The following KIAA1549 variants were observed in gnomAD, a reference collection of about 807,000 sequenced individuals.
KIAA1549 encodes the protein KIAA1549, also known as UPF0606 protein KIAA1549.
A neutral mutation model predicts 156.4 loss-of-function variants in KIAA1549; 70 were observed. The observed-to-expected ratio is 0.45, with a 90% CI of 0.37 to 0.55. KIAA1549 has a LOEUF of 0.55. Ranked by LOEUF, KIAA1549 falls within the 20% of genes least tolerant of loss-of-function variation. The probability of loss-of-function intolerance (pLI) is 0.00; values close to 1 mark genes in which losing one functional copy is unlikely to be tolerated. For missense variants in KIAA1549, 2,428 were observed against 2,540.9 expected (o/e 0.96, Z 0.96); for synonymous variants, 1,103 against 1,066.4 (o/e 1.03, Z -0.67).
At chr7:138,858,751 A>C (rs949535055) in intron 16 of KIAA1549, among the ~76,000 whole-genome samples, 4 of 152,082 alleles carry the variant, frequency 2.6e-5, no homozygotes, top group African/African-American at 9.7e-5. Context: ...AAAACAACAG[A>C]AACTCCAGCA....
At chr7:138,926,739 A>G (rs901531801) in intron 1 of KIAA1549, among the ~76,000 whole-genome samples, 14 of 152,278 alleles carry the variant, frequency 9.2e-5, no homozygotes, top group African/African-American at 2.4e-4. Flanking sequence ...ATGTACACCA[A>G]TATCTTCTAC....
At chr7:138,895,412 T>C (rs1164523909) in intron 9 of KIAA1549, among the ~76,000 whole-genome samples, 4 of 152,144 alleles carry the variant, frequency 2.6e-5, no homozygotes, top group African/African-American at 9.7e-5. Flanking sequence ...ATGAACAAAA[T>C]GTAGTATAGC....
At chr7:138,907,783 T>C (rs190251803) in intron 5 of KIAA1549, among the ~76,000 whole-genome samples, 85 of 152,252 alleles carry the variant, frequency 5.6e-4, no homozygotes, top group African/African-American at 1.9e-3. Flanking sequence ...AAGAGGACTA[T>C]GGTGGGTCTG....
At chr7:138,946,582 C>G (rs1008330316) in intron 1 of KIAA1549, among the ~76,000 whole-genome samples, 1 of 152,112 alleles carries the variant, frequency 6.6e-6, no homozygotes, top group East Asian at 1.9e-4. Flanking sequence ...GAGTTCAAGA[C>G]CAGCCTGAGC....
Position 138,861,219 on chromosome 7 carries a change from T to C in KIAA1549, c.5167A>G (p.Thr1723Ala). The change falls in exon 16 of 20, where the codon ACC becomes GCC. Residue 1723 changes from threonine (T) to alanine (A), a missense_variant. Physicochemically the swap from Thr to Ala is moderately conservative, Grantham distance 58. This residue lies in a region of KIAA1549 where 363 missense variants were observed against 354.0 expected (regional missense o/e 1.03). Coordinates refer to ENST00000422774, the MANE Select transcript of KIAA1549 (RefSeq NM_001164665.2). Reference sequence around the variant, plus strand: ...GCTCGCCTCTCTTCCTGGGAAGGGGTGCTGTTTGCGGGCAGGCCGGGTGGG... The same window carrying C: ...GCTCGCCTCTCTTCCTGGGAAGGGGCGCTGTTTGCGGGCAGGCCGGGTGGG... ...GVPPGLPANS[T>A]PSQEERRATQ... 1 of 1,613,368 alleles carries C rather than the reference T, an allele frequency of 6.2e-7. No individual in the cohort carries two copies. Among genetic ancestry groups the C allele is most frequent in the Non-Finnish European group, 8.5e-7 (1 of 1,179,782 alleles).
At chr7:138,850,224 C>T (rs1810198585) in intron 17 of KIAA1549, among the ~76,000 whole-genome samples, 1 of 152,078 alleles carries the variant, frequency 6.6e-6, no homozygotes, top group South Asian at 2.1e-4. Flanking sequence ...CTCTGTGCTG[C>T]TGTTTTCTGA....
chr7:138,839,582 T>C (rs768141451), intron 19 of KIAA1549, among the ~76,000 whole-genome samples: 1 of 152,100 alleles, frequency 6.6e-6, no homozygotes, highest in East Asian at 1.9e-4. Context: ...TTGTCACCTA[T>C]AGATTCGAAT....
At chr7:138,959,608 G>A (rs1813779325) in intron 1 of KIAA1549, among the ~76,000 whole-genome samples, 1 of 152,236 alleles carries the variant, frequency 6.6e-6, no homozygotes, top group Admixed American at 6.5e-5. Context: ...CATGAAATAT[G>A]TCAGCGAAGT....
Position 138,831,562 on chromosome 7 carries a change from C to T in KIAA1549, c.*6344G>A, listed in dbSNP as rs771691201. The T allele has an allele frequency of 1.3e-5, 3 of 225,650 alleles. No individual in the cohort carries two copies. The highest frequency in any genetic ancestry group is 1.1e-4 in the Admixed American group (2 of 17,506). 14.0% of individuals were successfully genotyped at this position (225,650 alleles called of 1,614,324 possible). On this transcript the variant is annotated 3_prime_UTR_variant, in exon 20 of 20. Coordinates refer to ENST00000422774, the MANE Select transcript of KIAA1549 (RefSeq NM_001164665.2). The stretch of plus-strand genomic sequence containing the variant: ...AAACCGACAAATAGAAGGGAGGGGC[C>T]GATTATTAAATCGTATACCCATACT...
chr7:138,920,803 A>G (rs1286212067), intron 1 of KIAA1549, among the ~76,000 whole-genome samples: 2 of 152,272 alleles, frequency 1.3e-5, no homozygotes, highest in Non-Finnish European at 2.9e-5. Context: ...GTGAAATGGT[A>G]TAAGGACAGT....
At position 138,918,194 on chromosome 7, in the gene KIAA1549, G is replaced by A; in HGVS notation, c.1432C>T (p.Pro478Ser). The A allele has an allele frequency of 6.2e-7, 1 of 1,613,996 alleles. No homozygotes were observed. The highest frequency in any genetic ancestry group is 8.5e-7 in the Non-Finnish European group (1 of 1,179,886). ...GGGAAAAGCGTATTAAATACTTGAG[G>A]ATCTTCCTCAAATTCAGAGAAGTCT... ...VADFSEFEED[P>S]QVFNTLFPSR... The change falls in exon 2 of 20, where the codon CCT (proline) becomes TCT (serine). Residue 478 changes from proline (P) to serine (S), a missense_variant. Physicochemically the swap from Pro to Ser is moderately conservative, Grantham distance 74 (BLOSUM62 -1). Around this residue, in one of 5 missense-constraint regions of KIAA1549, gnomAD observed 893 missense variants for 847.9 expected, o/e 1.05. Transcript: ENST00000422774. The surrounding 1 kb of genome is among the most constrained non-coding windows in gnomAD (Gnocchi z 4.2).
intron 1 of KIAA1549, among the ~76,000 whole-genome samples, chr7:138,926,098 T>C (rs1812710149): frequency 6.6e-6 from 1 of 152,092 alleles, no homozygotes; most frequent in Non-Finnish European, 1.5e-5. Context: ...GAAACATTAC[T>C]TTTGCTTCTT....
chr7:138,898,725 C>T (rs570011833), intron 9 of KIAA1549, among the ~76,000 whole-genome samples: 1 of 152,296 alleles, frequency 6.6e-6, no homozygotes, highest in African/African-American at 2.4e-5. Flanking sequence ...TCATTATTAA[C>T]ACCCCACCTA....
intron 7 of KIAA1549, among the ~76,000 whole-genome samples, chr7:138,904,226 AACAG>A (rs1249976194): frequency 6.6e-6 from 1 of 152,236 alleles, no homozygotes; most frequent in African/African-American, 2.4e-5. Context: ...AGATGATCTC[AACAG>A]ACAATCACTT....
chr7:138,880,228 C>T (rs1031948632), intron 11 of KIAA1549, among the ~76,000 whole-genome samples: 1 of 152,172 alleles, frequency 6.6e-6, no homozygotes, highest in African/African-American at 2.4e-5. Context: ...AATGCCAAGA[C>T]ATTCTGGTGC....
rs1382458550 is a variant in KIAA1549 at position 138,919,178 on chromosome 7, C to T, written c.448G>A (p.Val150Met). The change falls in exon 2 of 20, where the codon GTG becomes ATG. Residue 150 changes from valine (V) to methionine (M), a missense_variant. By Grantham distance (21) the Val-to-Met change is conservative (BLOSUM62 1). Transcript: ENST00000422774. ...TCCATCTCATCGTCATTGACGGCCA[C>T]CTCTTTACTCGTCACTGACACGTAA... Reference protein sequence around the residue: ...ATYVSVTSKEVAVNDDEMDNF... With the variant: ...ATYVSVTSKEMAVNDDEMDNF... The T allele has an allele frequency of 6.2e-7, 1 of 1,613,882 alleles. No individual in the cohort carries two copies. The highest frequency in any genetic ancestry group is 8.5e-7 in the Non-Finnish European group (1 of 1,179,904).
chr7:138,918,924 T>C lies in KIAA1549; in HGVS notation c.702A>G (p.Ser234=). 6.2e-7 allele frequency: 1 copy of C among 1,614,060 alleles called. No homozygotes were observed. The change falls in exon 2 of 20, where the codon TCA becomes TCG. Residue 234 remains serine (S), a synonymous_variant. Transcript: ENST00000422774. The surrounding 1 kb of genome is among the most constrained non-coding windows in gnomAD (Gnocchi z 4.2). The part of the protein sequence containing the change: ...ESASHFHTFR[S]AFRTSEGIVP... ...CGATGCCCTCAGAGGTGCGAAAAGC[T>C]GACCGAAAGGTGTGGAAATGACTGG...
intron 1 of KIAA1549, among the ~76,000 whole-genome samples, chr7:138,952,913 A>G (rs916342471): frequency 1.3e-5 from 2 of 152,242 alleles, no homozygotes; most frequent in African/African-American, 4.8e-5. Context: ...AAGTGAGTCT[A>G]GACTGAATAT....
At chr7:138,903,127 A>G (rs1277085500) in intron 8 of KIAA1549, among the ~76,000 whole-genome samples, 1 of 152,168 alleles carries the variant, frequency 6.6e-6, no homozygotes, top group Non-Finnish European at 1.5e-5. Flanking sequence ...AATACCATGG[A>G]AGCCGAGAAG....
Sources: allele counts gnomAD v4.1 joint callset (sites outside exome capture counted in the v4.1 genomes callset), GRCh38; gene constraint gnomAD v4.1.1; regional missense constraint gnomAD v4.1.1; non-coding constraint Gnocchi (gnomAD v3.1); transcripts MANE v1.5; gene names NCBI Gene and HGNC (gene_info 2026-07-23, HGNC 2026-07-21).